The following UBE4A variants were observed in gnomAD, a reference collection of about 807,000 sequenced individuals.
UBE4A encodes the protein ubiquitination factor E4A.
A neutral mutation model predicts 117.9 loss-of-function variants in UBE4A; 48 were observed. That is an observed-to-expected ratio of 0.41 (90% CI 0.32 to 0.52). The LOEUF is 0.52. Among genes scored for constraint, UBE4A ranks in the 20% least tolerant of loss-of-function variants. The pLI is 0.33. For missense variants in UBE4A, 1,067 were observed against 1,296.3 expected, an observed-to-expected ratio of 0.82 and a Z score of 2.72; for synonymous variants, 407 against 450.0, an observed-to-expected ratio of 0.90 and a Z score of 1.21.
chr11:118,384,766 TTA>T, intron 14 of UBE4A, 31 bp downstream of exon 14: 13 of 1,611,696 alleles, frequency 8.1e-6, no homozygotes, highest in Non-Finnish European at 1.1e-5. Flanking sequence ...ACCTGTTGCT[TTA>T]TATAAGCCCT....
At chr11:118,388,361 A>C (rs1948778828) in intron 16 of UBE4A, among the ~76,000 whole-genome samples, 1 of 152,180 alleles carries the variant, frequency 6.6e-6, no homozygotes, top group Non-Finnish European at 1.5e-5. Flanking sequence ...TGTTAAGAAG[A>C]AGCGATAGGC....
At chr11:118,375,274 G>T in intron 9 of UBE4A, 45 bp downstream of exon 9, 1 of 1,468,930 alleles carries the variant, frequency 6.8e-7, no homozygotes, top group Non-Finnish European at 9.2e-7. Flanking sequence ...GTGTGTGTGT[G>T]TAACGTGTAA....
chr11:118,365,522 T>G (rs566209333), intron 2 of UBE4A, among the ~76,000 whole-genome samples: 113 of 152,262 alleles, frequency 7.4e-4, no homozygotes, highest in Non-Finnish European at 1.2e-3. Context: ...AATCACCTAG[T>G]AAAAGCTATT....
chr11:118,361,700 C>T (rs562485371), intron 1 of UBE4A, among the ~76,000 whole-genome samples: 23 of 152,328 alleles, frequency 1.5e-4, no homozygotes, highest in African/African-American at 5.3e-4. Flanking sequence ...TGCCAAGATA[C>T]CAAAGAACCA....
intron 3 of UBE4A, 87 bp downstream of exon 3, chr11:118,368,891 G>A: frequency 7.2e-7 from 1 of 1,396,438 alleles, no homozygotes; most frequent in South Asian, 1.2e-5. Context: ...TACAGCTAAT[G>A]GTTAGATACA....
intron 1 of UBE4A, among the ~76,000 whole-genome samples, chr11:118,364,043 T>C (rs924187674): frequency 2.6e-5 from 4 of 152,176 alleles, no homozygotes; most frequent in Non-Finnish European, 5.9e-5. Context: ...TCTGTCCTTA[T>C]AGCAGTTCAA....
At chr11:118,367,304 A>C (rs990380041) in intron 2 of UBE4A, among the ~76,000 whole-genome samples, 1 of 152,234 alleles carries the variant, frequency 6.6e-6, no homozygotes, top group Admixed American at 6.5e-5. Context: ...AGAAAGAATA[A>C]AAAGGTACAA....
chr11:118,361,565 T>C (rs1948521486), intron 1 of UBE4A, among the ~76,000 whole-genome samples: 1 of 152,182 alleles, frequency 6.6e-6, no homozygotes, highest in Non-Finnish European at 1.5e-5. Context: ...GAAAAAAAGT[T>C]TGTGCACAGA....
intron 18 of UBE4A, 91 bp from the exon 19 acceptor site, chr11:118,392,647 A>T (rs541027738): frequency 3.8e-6 from 5 of 1,304,810 alleles, no homozygotes; most frequent in Middle Eastern, 2.5e-4. Flanking sequence ...CTGTTTTTTT[A>T]TTTTTGAGAT....
At position 118,359,635 on chromosome 11, in the gene UBE4A, A is replaced by C. The variant is rs1948503880; in HGVS notation, c.-81A>C. On this transcript the variant is annotated 5_prime_UTR_variant, in exon 1 of 20. Coordinates refer to ENST00000252108, the MANE Select transcript of UBE4A (RefSeq NM_001204077.2). ...GGAAGTGGGAACCCTTCGGCCGCTG[A>C]GATTCTGTCGTGTCGTCGCTGCTGG... 2.0e-5 allele frequency: 3 copies of C among 152,320 alleles called. No homozygotes were observed. In the South Asian group the frequency reaches 6.2e-4, roughly 32 times the overall value. The allele number at this position is 152,320 out of a possible 1,614,324, so 9.4% of individuals were successfully genotyped here.
chr11:118,365,271 T>G, intron 2 of UBE4A, 70 bp downstream of exon 2: 11 of 1,455,816 alleles, frequency 7.6e-6, no homozygotes, highest in Non-Finnish European at 9.1e-6. Flanking sequence ...AAGTATTCTT[T>G]GAGTCCTTAA....
chr11:118,370,095 A>G (rs1455177885), intron 4 of UBE4A, among the ~76,000 whole-genome samples: 1 of 151,882 alleles, frequency 6.6e-6, no homozygotes, highest in Non-Finnish European at 1.5e-5. Context: ...CCGTCTCAAA[A>G]AAAAAAAAGA....
chr11:118,372,593 C>A lies in UBE4A; in HGVS notation c.648C>A (p.Thr216=), dbSNP rs149631434. 6.2e-7 allele frequency: 1 copy of A among 1,614,144 alleles called. No homozygotes were observed. Among genetic ancestry groups the A allele is most frequent in the Non-Finnish European group, 8.5e-7 (1 of 1,180,028 alleles). Residue 216 remains threonine, a synonymous_variant, in exon 6 of 20, where the codon ACC becomes ACA. Coordinates refer to ENST00000252108, the MANE Select transcript of UBE4A (RefSeq NM_001204077.2). ...CCAATACCCGAACAGTTCTTCTCAC[C>A]CCAGAGATCTATGTTGACCAAAACA... ...TVSNTRTVLL[T]PEIYVDQNIH...
chr11:118,375,378 G>A, intron 9 of UBE4A, 149 bp downstream of exon 9: 1 of 785,804 alleles, frequency 1.3e-6, no homozygotes, highest in Non-Finnish European at 1.9e-6. Flanking sequence ...CTTTTTTTTT[G>A]AGATGGAGTC....
Position 118,373,182 on chromosome 11 carries a change from T to G in UBE4A, c.818T>G (p.Phe273Cys). 1 of 1,614,056 alleles carries G rather than the reference T, an allele frequency of 6.2e-7. No individual in the cohort carries two copies. The highest frequency in any genetic ancestry group is 8.5e-7 in the Non-Finnish European group (1 of 1,180,014). Residue 273 changes from phenylalanine (F) to cysteine (C), a missense_variant, in exon 7 of 20, where the codon TTT becomes TGT. Phe to Cys is a radical substitution (Grantham distance 205). Coordinates refer to ENST00000252108, the MANE Select transcript of UBE4A (RefSeq NM_001204077.2). ...TTTCCAGAAGTCATGATTCCAGTGT[T>G]TGATATTTTATTGGGCCGAATAAAA... ...RTFPEVMIPV[F>C]DILLGRIKDL...
At chr11:118,362,726 C>T (rs1948530122) in intron 1 of UBE4A, among the ~76,000 whole-genome samples, 2 of 152,194 alleles carry the variant, frequency 1.3e-5, no homozygotes, top group Non-Finnish European at 2.9e-5. Flanking sequence ...ACTGGCTTAT[C>T]AACTCAATCA....
intron 1 of UBE4A, among the ~76,000 whole-genome samples, chr11:118,362,134 G>A (rs532429482): frequency 5.3e-5 from 8 of 152,216 alleles, no homozygotes; most frequent in African/African-American, 1.9e-4. Context: ...TTGTTTGTTT[G>A]TTTGTTTGAG....
chr11:118,372,977 C>T, intron 6 of UBE4A, 109 bp from the exon 7 acceptor site: 1 of 1,102,068 alleles, frequency 9.1e-7, no homozygotes, highest in Non-Finnish European at 1.3e-6. Flanking sequence ...AAACAAGACC[C>T]CCAGCTCTAA....
chr11:118,392,770 A>G lies in UBE4A; in HGVS notation c.2949A>G (p.Glu983=). 1 of 1,614,096 alleles carries G rather than the reference A, an allele frequency of 6.2e-7. No individual in the cohort carries two copies. Among genetic ancestry groups the G allele is most frequent in the Non-Finnish European group, 8.5e-7 (1 of 1,179,978 alleles). ...CAGACCTCCAACAACAGGAAGAGGA[A>G]ACCTATGCAGATGCCTGTGATGAGT... ...SLADLQQQEE[E]TYADACDEFL... Residue 983 remains glutamate, a synonymous_variant, in exon 19 of 20, where the codon GAA becomes GAG. Coordinates refer to ENST00000252108, the MANE Select transcript of UBE4A (RefSeq NM_001204077.2).
Sources: allele counts gnomAD v4.1 joint callset (sites outside exome capture counted in the v4.1 genomes callset), GRCh38; gene constraint gnomAD v4.1.1; transcripts MANE v1.5; gene names NCBI Gene and HGNC (gene_info 2026-07-23, HGNC 2026-07-21).